The following CWC27 variants were observed in gnomAD, a reference collection of about 807,000 sequenced individuals.
CWC27 encodes spliceosome-associated protein CWC27 homolog.
In CWC27, 47 loss-of-function variants were observed where a neutral mutation model predicts 63.6. The ratio of observed to expected loss-of-function variants is 0.74; its 90% CI spans 0.58 to 0.94. CWC27 has a LOEUF of 0.94. CWC27 is among the 40% of genes least tolerant of loss of function. The pLI, the probability that CWC27 is intolerant of heterozygous loss-of-function variation, is 0.00. For synonymous variants in CWC27, 175 were observed against 179.8 expected, an observed-to-expected ratio of 0.97 and a Z score of 0.22; for missense variants, 495 against 554.3, an observed-to-expected ratio of 0.89 and a Z score of 1.07.
chr5:64,892,731 G>C (rs754306099), intron 11 of CWC27, among the ~76,000 whole-genome samples: 1 of 151,506 alleles, frequency 6.6e-6, no homozygotes, highest in Non-Finnish European at 1.5e-5. Context: ...TGTAAAGACC[G>C]TACAAATGCA....
At chr5:64,906,206 CAG>C (rs1747637252) in intron 11 of CWC27, among the ~76,000 whole-genome samples, 2 of 152,148 alleles carry the variant, frequency 1.3e-5, no homozygotes, top group Non-Finnish European at 2.9e-5. Flanking sequence ...GTAATGGAAT[CAG>C]TGGGTCAAAT....
At chr5:64,979,608 T>C (rs915327815) in intron 13 of CWC27, among the ~76,000 whole-genome samples, 9 of 152,212 alleles carry the variant, frequency 5.9e-5, no homozygotes, top group Non-Finnish European at 1.2e-4. Flanking sequence ...ACAAATATTA[T>C]GAGTGCATGG....
intron 7 of CWC27, among the ~76,000 whole-genome samples, chr5:64,792,142 A>G (rs1193653308): frequency 6.6e-6 from 1 of 152,132 alleles, no homozygotes; most frequent in Non-Finnish European, 1.5e-5. Context: ...TTCTGCTTTC[A>G]TGACTGTCCT....
At chr5:64,788,834 ACAGT>A in intron 6 of CWC27, 113 bp from the exon 7 acceptor site, 1 of 649,850 alleles carries the variant, frequency 1.5e-6, no homozygotes, top group South Asian at 2.1e-5. Context: ...CTTTTTTAGA[ACAGT>A]CAGAATGTAT....
rs558933474 is a variant in CWC27, at chr5:64,938,050, CTT to C, written c.1043-33651_1043-33650del. ...TACAGCACACCAATGGGTCTTGACT[CTT>C]TATCCAATTTGCCCATCTGTGTCTT... On this transcript the variant is annotated intron_variant, in intron 11 of 13. Transcript: ENST00000381070. Among the ~76,000 whole-genome samples the C allele has an allele frequency of 7.9e-3, 1,197 of 151,352 alleles. 3 individuals are homozygous for C. Among genetic ancestry groups the C allele is most frequent in the African/African-American group, 0.018 (731 of 41,180 alleles).
chr5:64,885,618 C>T (rs1425407783), intron 11 of CWC27, 72 bp downstream of exon 11: 3 of 1,096,054 alleles, frequency 2.7e-6, no homozygotes, highest in Non-Finnish European at 4.1e-6. Context: ...TCCTCCCTGC[C>T]CGCTCCCGTA....
At chr5:64,842,295 T>A (rs1473569250) in intron 10 of CWC27, among the ~76,000 whole-genome samples, 1 of 152,018 alleles carries the variant, frequency 6.6e-6, no homozygotes, top group African/African-American at 2.4e-5. Context: ...CCTACATTGA[T>A]GTTTTATTTT....
chr5:64,786,139 T>TG (rs928462236), intron 5 of CWC27, among the ~76,000 whole-genome samples: 2 of 127,226 alleles, frequency 1.6e-5, no homozygotes, highest in Non-Finnish European at 3.1e-5. Context: ...CACTCCAGCC[T>TG]GGGCGACAGA....
intron 13 of CWC27, among the ~76,000 whole-genome samples, chr5:64,982,033 A>G (rs973351366): frequency 6.6e-6 from 1 of 152,212 alleles, no homozygotes; most frequent in Admixed American, 6.5e-5. Context: ...CTGAGAACCA[A>G]GGTTTGGCTT....
intron 11 of CWC27, among the ~76,000 whole-genome samples, chr5:64,897,683 A>G (rs539103326): frequency 6.6e-6 from 1 of 152,270 alleles, no homozygotes; most frequent in African/African-American, 2.4e-5. Context: ...TGGCACATAC[A>G]TAGTTTGTTA....
chr5:64,863,731 C>T (rs545275029), intron 10 of CWC27, among the ~76,000 whole-genome samples: 3 of 152,216 alleles, frequency 2.0e-5, no homozygotes, highest in South Asian at 4.1e-4. Context: ...TCAAGTGATC[C>T]TCCCACTTTG....
chr5:64,811,623 ATGTTC>A (rs1486078911), intron 10 of CWC27, among the ~76,000 whole-genome samples: 1 of 152,034 alleles, frequency 6.6e-6, no homozygotes, highest in Non-Finnish European at 1.5e-5. Context: ...TTTATCAGCC[ATGTTC>A]TACTTATATG....
At chr5:64,833,016 AGTTTTCTC>A (rs1015324677) in intron 10 of CWC27, among the ~76,000 whole-genome samples, 2 of 151,704 alleles carry the variant, frequency 1.3e-5, no homozygotes, top group African/African-American at 4.8e-5. Context: ...TTGTAACCTG[AGTTTTCTC>A]GTTTGTAAAG....
chr5:64,800,419 A>G, intron 8 of CWC27, 92 bp downstream of exon 8: 1 of 852,322 alleles, frequency 1.2e-6, no homozygotes, highest in South Asian at 2.1e-5. Flanking sequence ...CAGTCCTCAT[A>G]AGTCAAAAAT....
At chr5:64,775,023 C>A (rs1049073808) in intron 2 of CWC27, among the ~76,000 whole-genome samples, 3 of 152,162 alleles carry the variant, frequency 2.0e-5, no homozygotes, top group African/African-American at 7.2e-5. Context: ...TACTGTGATC[C>A]TCTTTGGTCT....
chr5:64,853,693 C>A (rs1042839067), intron 10 of CWC27, among the ~76,000 whole-genome samples: 2 of 152,138 alleles, frequency 1.3e-5, no homozygotes, highest in Non-Finnish European at 2.9e-5. Flanking sequence ...ATGTTTTAAA[C>A]AACCAGATCT....
chr5:64,941,905 G>A (rs1009419946), intron 11 of CWC27, among the ~76,000 whole-genome samples: 2 of 151,786 alleles, frequency 1.3e-5, no homozygotes, highest in African/African-American at 4.8e-5. Flanking sequence ...TAAGATGAGA[G>A]TAATAATAAA....
At chr5:64,897,366 A>G (rs1333543370) in intron 11 of CWC27, among the ~76,000 whole-genome samples, 2 of 152,228 alleles carry the variant, frequency 1.3e-5, no homozygotes, top group African/African-American at 4.8e-5. Context: ...ATGGATTAAG[A>G]AAATGTGGCA....
chr5:64,828,313 A>G (rs1745422698), intron 10 of CWC27, among the ~76,000 whole-genome samples: 1 of 152,156 alleles, frequency 6.6e-6, no homozygotes, highest in South Asian at 2.1e-4. Flanking sequence ...TACAGCACCT[A>G]AATAGAATTA....
Sources: allele counts gnomAD v4.1 joint callset (sites outside exome capture counted in the v4.1 genomes callset), GRCh38; gene constraint gnomAD v4.1.1; transcripts MANE v1.5; gene names NCBI Gene and HGNC (gene_info 2026-07-23, HGNC 2026-07-21).